THAP5: variants seen among roughly 807,000 people sequenced by gnomAD.
The protein encoded by THAP5 is THAP domain containing 5, also known as THAP domain-containing protein 5.
Under a neutral mutation model 34.0 loss-of-function variants are expected in THAP5, and 26 were observed. That is an observed-to-expected ratio of 0.77 (90% CI 0.56 to 1.06). The LOEUF is 1.06. Among genes scored for constraint, THAP5 ranks in the 50% least tolerant of loss-of-function variants. The pLI is 0.00. For synonymous variants in THAP5, 125 were observed against 153.0 expected, an observed-to-expected ratio of 0.82 and a Z score of 1.35; for missense variants, 394 against 452.8, an observed-to-expected ratio of 0.87 and a Z score of 1.18.
chr7:108,569,395 T>G, intron 1 of THAP5, 95 bp downstream of exon 1: 1 of 1,541,328 alleles, frequency 6.5e-7, no homozygotes, highest in Non-Finnish European at 8.7e-7. Context: ...AGCTGAGGAC[T>G]CACTGGCAGA....
In THAP5 at chr7:108,563,713, A is replaced by G. The variant is rs887826412; in HGVS notation, c.*478T>C. 6.5e-6 allele frequency: 1 copy of G among 152,876 alleles called. No homozygotes were observed. Among genetic ancestry groups the G allele is most frequent in the Non-Finnish European group, 1.5e-5 (1 of 68,522 alleles). The allele number at this position is 152,876 out of a possible 1,614,324, so 9.5% of individuals were successfully genotyped here. A position where few individuals can be genotyped will look rare whatever the true frequency, so the allele number is the denominator to read the frequency against. ...AGCCAACTTCTAGTATTACGTATAT[A>G]TTATCTTACAGAAAATGTGTTCTAA... is the stretch of plus-strand genomic sequence containing the variant. On this transcript the variant is annotated 3_prime_UTR_variant, in exon 3 of 3. Coordinates refer to ENST00000415914, the MANE Select transcript of THAP5 (RefSeq NM_001130475.3).
At chr7:108,558,377 G>GTGTGTGTGTATATATATATATA (rs1401164750), downstream of THAP5, among the ~76,000 whole-genome samples, 24 of 62,966 alleles carry the variant, frequency 3.8e-4, no homozygotes, top group South Asian at 9.9e-4. Context: ...ATGTGTGTGT[G>GTGTGTGTGTATATATATATATA]TATGTATATA....
rs1337701477 is a variant in THAP5 at position 108,567,788 on chromosome 7, T to G, written c.80+1702A>C. On this transcript the variant is annotated intron_variant, in intron 1 of 2. Transcript: ENST00000415914. ...TGGAGAATAAAACTAATTCAATTTT[T>G]ATTTTGTGGATTACACAAGAAAATT... Among the ~76,000 whole-genome samples the G allele has an allele frequency of 2.0e-5, 3 of 152,224 alleles. No individual in the cohort carries two copies. In the East Asian group the frequency reaches 5.8e-4, roughly 29 times the overall value.
intron 2 of THAP5, 64 bp downstream of exon 2, chr7:108,565,766 G>T: frequency 7.6e-7 from 1 of 1,309,652 alleles, no homozygotes; most frequent in South Asian, 1.9e-5. Flanking sequence ...TCTCCCACCT[G>T]ATCACCTGCC....
the THAP5 span, among the ~76,000 whole-genome samples, chr7:108,542,337 A>G: frequency 6.6e-6 from 1 of 152,226 alleles, no homozygotes; most frequent in Admixed American, 6.5e-5. Flanking sequence ...CACTCAGGTT[A>G]TCTTTTTCTG....
the THAP5 span, among the ~76,000 whole-genome samples, chr7:108,543,289 G>A: frequency 6.6e-6 from 1 of 152,122 alleles, no homozygotes; most frequent in Non-Finnish European, 1.5e-5. Flanking sequence ...GCTCAGGGTT[G>A]TCTGACTTCT....
At chr7:108,566,119 A>C (rs973234832) in intron 1 of THAP5, 97 bp from the exon 2 acceptor site, 11 of 998,168 alleles carry the variant, frequency 1.1e-5, no homozygotes, top group Middle Eastern at 3.3e-4. Context: ...TAACCTATGC[A>C]TCAAGTAAGT....
the THAP5 span, among the ~76,000 whole-genome samples, chr7:108,542,995 C>T: frequency 2.6e-5 from 4 of 152,018 alleles, no homozygotes; most frequent in East Asian, 3.9e-4. Flanking sequence ...GGCACGATCT[C>T]GGCTCATTGG....
chr7:108,556,431 G>A (rs576168518), intron 1 of THAP5, among the ~76,000 whole-genome samples: 73 of 152,256 alleles, frequency 4.8e-4, no homozygotes, highest in African/African-American at 1.7e-3. Context: ...GCTACAGTGG[G>A]GGTACAGGCA....
the THAP5 span, among the ~76,000 whole-genome samples, chr7:108,545,050 A>T: frequency 1.3e-5 from 2 of 152,244 alleles, no homozygotes; most frequent in Non-Finnish European, 2.9e-5. Context: ...GAAAAAAAAT[A>T]AATTATATTT....
chr7:108,558,847 TATAAC>T (rs2154517942), downstream of THAP5, among the ~76,000 whole-genome samples: 1 of 152,340 alleles, frequency 6.6e-6, no homozygotes, highest in Admixed American at 6.5e-5. Flanking sequence ...TCCTCTTAGA[TATAAC>T]ATGTTATTAA....
chr7:108,558,371 G>A (rs1333741817), downstream of THAP5, among the ~76,000 whole-genome samples: 1 of 62,650 alleles, frequency 1.6e-5, no homozygotes, highest in Non-Finnish European at 3.0e-5. Flanking sequence ...ATGTATATGT[G>A]TGTGTGTATG....
chr7:108,557,964 A>G (rs947438862), downstream of THAP5, among the ~76,000 whole-genome samples: 1 of 152,194 alleles, frequency 6.6e-6, no homozygotes, highest in Admixed American at 6.5e-5. Context: ...GAAACTTACA[A>G]TAATGGTGGA....
the THAP5 span, among the ~76,000 whole-genome samples, chr7:108,546,053 G>A: frequency 1.3e-5 from 2 of 152,010 alleles, no homozygotes; most frequent in Non-Finnish European, 2.9e-5. Context: ...TTAGGTTAAC[G>A]ATCTACAATA....
chr7:108,559,004 T>C (rs770783642), downstream of THAP5, among the ~76,000 whole-genome samples: 12 of 152,242 alleles, frequency 7.9e-5, no homozygotes, highest in Non-Finnish European at 1.5e-5. Context: ...GAAATATTCA[T>C]CATGTTTCTA....
At chr7:108,561,728 G>A (rs1864433469), downstream of THAP5, among the ~76,000 whole-genome samples, 1 of 152,108 alleles carries the variant, frequency 6.6e-6, no homozygotes, top group Non-Finnish European at 1.5e-5. Flanking sequence ...AACACTGCTG[G>A]GCTCATCTGA....
chr7:108,542,146 C>T, the THAP5 span, among the ~76,000 whole-genome samples: 1 of 152,068 alleles, frequency 6.6e-6, no homozygotes. Context: ...GAGGGGATAA[C>T]AGAATTGCTT....
chr7:108,554,020 T>C (rs937792455), downstream of THAP5, among the ~76,000 whole-genome samples: 3 of 152,176 alleles, frequency 2.0e-5, no homozygotes, highest in African/African-American at 7.2e-5. Context: ...TTAGTGATGT[T>C]ATTTCAAGAG....
chr7:108,569,383 A>G (rs1790560932), intron 1 of THAP5, 107 bp downstream of exon 1: 2 of 1,526,366 alleles, frequency 1.3e-6, no homozygotes, highest in Non-Finnish European at 1.8e-6. Flanking sequence ...CCACGTACGG[A>G]GAGCTGAGGA....
Sources: gnomAD v4.1 joint callset for allele counts (sites outside exome capture counted in the v4.1 genomes callset) on GRCh38, gnomAD v4.1.1 for gene constraint, MANE v1.5 for transcripts, NCBI Gene and HGNC (gene_info 2026-07-23, HGNC 2026-07-21) for gene names.